Variants in ATP2B1 observed in about 807,000 individuals in gnomAD.
The protein encoded by ATP2B1 is ATPase plasma membrane Ca2+ transporting 1.
A neutral mutation model predicts 124.2 loss-of-function variants in ATP2B1; 14 were observed. That is an observed-to-expected ratio of 0.11 (90% CI 0.07 to 0.18). The LOEUF (loss-of-function observed/expected upper bound fraction) is 0.18, where lower values mean the gene tolerates loss of function less well. Ranked by LOEUF, ATP2B1 falls within the 10% of genes least tolerant of loss-of-function variation. ATP2B1 has a pLI of 1.00. For synonymous variants in ATP2B1, 449 were observed against 492.4 expected (o/e 0.91, Z 1.17); for missense variants, 763 against 1,466.1 (o/e 0.52, Z 7.83).
chr12:89,615,499 A>C (rs1878801259), intron 12 of ATP2B1, among the ~76,000 whole-genome samples: 5 of 152,130 alleles, frequency 3.3e-5, no homozygotes. Context: ...TATAAATCTC[A>C]AGCCTATTCT....
chr12:89,644,234 G>C (rs1248599395), intron 2 of ATP2B1, among the ~76,000 whole-genome samples: 1 of 152,014 alleles, frequency 6.6e-6, no homozygotes, highest in African/African-American at 2.4e-5. Flanking sequence ...TTGTTTTTTT[G>C]GCAAGAGCCT....
At chr12:89,644,140 G>T (rs1031122512) in intron 2 of ATP2B1, among the ~76,000 whole-genome samples, 2 of 151,934 alleles carry the variant, frequency 1.3e-5, no homozygotes, top group African/African-American at 2.4e-5. Flanking sequence ...AAGAAAGAAA[G>T]AAAGAAAAAG....
chr12:89,590,288 G>T lies in ATP2B1; in HGVS notation c.*696C>A, dbSNP rs1235459363. On this transcript the variant is annotated 3_prime_UTR_variant, in exon 21 of 21. Coordinates refer to ENST00000428670, the MANE Select transcript of ATP2B1 (RefSeq NM_001366521.1). ...TGCTCATGTTTTTTTGTTTTGTTTTGTTTTTTTCGTTTTTTTAAACAAAGC... is the reference window on the plus strand; with the variant it reads ...TGCTCATGTTTTTTTGTTTTGTTTTTTTTTTTTCGTTTTTTTAAACAAAGC... 3 of 151,372 alleles carry T rather than the reference G, an allele frequency of 2.0e-5. No individual in the cohort carries two copies. Among genetic ancestry groups the T allele is most frequent in the East Asian group, 1.9e-4 (1 of 5,152 alleles). 9.4% of individuals were successfully genotyped at this position (151,372 alleles called of 1,614,324 possible).
chr12:89,606,088 G>A (rs1048264768), intron 15 of ATP2B1, among the ~76,000 whole-genome samples: 1 of 28,218 alleles, frequency 3.5e-5, no homozygotes, highest in African/African-American at 1.0e-4. Context: ...GGTTGAAACA[G>A]CATTTACAGT....
chr12:89,698,028 G>A (rs920353113), intron 1 of ATP2B1, among the ~76,000 whole-genome samples: 10 of 151,936 alleles, frequency 6.6e-5, no homozygotes, highest in African/African-American at 1.2e-4. Flanking sequence ...ATGCCACTAC[G>A]CCCGGCTAAT....
intron 15 of ATP2B1, among the ~76,000 whole-genome samples, chr12:89,608,714 G>T (rs1428197301): frequency 6.6e-6 from 1 of 152,026 alleles, no homozygotes; most frequent in Non-Finnish European, 1.5e-5. Context: ...TGCCTTTCTG[G>T]TCAGCTGTCA....
chr12:89,630,780 A>AATATATATATAAAT (rs1318418419), intron 5 of ATP2B1, 135 bp from the exon 6 acceptor site: 80 of 246,116 alleles, frequency 3.3e-4, no homozygotes, highest in Middle Eastern at 2.7e-3. Flanking sequence ...TAAATATATA[A>AATATATATATAAAT]ATATATATAT....
intron 1 of ATP2B1, among the ~76,000 whole-genome samples, chr12:89,696,877 T>A (rs543551977): frequency 6.6e-6 from 1 of 152,280 alleles, no homozygotes; most frequent in East Asian, 1.9e-4. Context: ...AGAAGGCAGC[T>A]ACACAGGTGT....
chr12:89,669,251 T>C (rs1196446427), intron 1 of ATP2B1, among the ~76,000 whole-genome samples: 1 of 152,188 alleles, frequency 6.6e-6, no homozygotes, highest in Non-Finnish European at 1.5e-5. Context: ...CCAGCAACAG[T>C]ACCTTGCCCA....
At chr12:89,658,669 C>T (rs1351895096) in intron 1 of ATP2B1, among the ~76,000 whole-genome samples, 1 of 127,626 alleles carries the variant, frequency 7.8e-6, no homozygotes, top group African/African-American at 3.0e-5. Context: ...ATGTGGCTGT[C>T]AATCCTGGAC....
intron 15 of ATP2B1, among the ~76,000 whole-genome samples, chr12:89,608,533 A>G (rs1202292431): frequency 6.6e-6 from 1 of 151,884 alleles, no homozygotes; most frequent in Non-Finnish European, 1.5e-5. Flanking sequence ...AAAAAGTGGT[A>G]TAACTGGGCC....
chr12:89,615,825 T>C (rs768093837), intron 12 of ATP2B1, among the ~76,000 whole-genome samples: 9 of 152,234 alleles, frequency 5.9e-5, no homozygotes, highest in Admixed American at 2.0e-4. Flanking sequence ...GTCTATGCTC[T>C]ATACATTCTC....
chr12:89,702,088 G>A (rs1891921764), intron 1 of ATP2B1, among the ~76,000 whole-genome samples: 1 of 152,122 alleles, frequency 6.6e-6, no homozygotes, highest in African/African-American at 2.4e-5. Context: ...TCCACTAAAG[G>A]GAGTTTTGTG....
chr12:89,608,337 T>A (rs1877357224), intron 15 of ATP2B1, among the ~76,000 whole-genome samples: 1 of 151,954 alleles, frequency 6.6e-6, no homozygotes, highest in African/African-American at 2.4e-5. Context: ...CCAGCTAATT[T>A]TTGTATGTTT....
chr12:89,614,855 C>G (rs1356391900), intron 12 of ATP2B1, among the ~76,000 whole-genome samples: 1 of 152,102 alleles, frequency 6.6e-6, no homozygotes, highest in Non-Finnish European at 1.5e-5. Flanking sequence ...TCTCCTATGC[C>G]ACAACTGTGG....
At position 89,637,414 on chromosome 12, in the gene ATP2B1, T is replaced by A. The variant is rs900853289; in HGVS notation, c.407-2163A>T. Among the ~76,000 whole-genome samples the A allele has an allele frequency of 4.2e-4, 9 of 21,566 alleles. No homozygotes were observed. In the South Asian group the frequency reaches 0.02, roughly 48 times the overall value. The allele number at this position is 21,566 out of a possible 152,430, so 14.1% of individuals were successfully genotyped here. ...CAAGAAGAAAGCAAACATTAAATTT[T>A]AATTTTTTCTTTTTTGAGACAGAGT... On this transcript the variant is annotated intron_variant, in intron 3 of 20. Transcript: ENST00000428670.
At chr12:89,697,633 A>G (rs1462644481) in intron 1 of ATP2B1, among the ~76,000 whole-genome samples, 1 of 150,810 alleles carries the variant, frequency 6.6e-6, no homozygotes, top group East Asian at 1.9e-4. Context: ...AAACTTATAC[A>G]TGCATAAAGT....
chr12:89,703,857 G>C (rs1461110134), intron 1 of ATP2B1, among the ~76,000 whole-genome samples: 1 of 152,110 alleles, frequency 6.6e-6, no homozygotes, highest in Non-Finnish European at 1.5e-5. Flanking sequence ...AGTTATAAAT[G>C]CAATGTCAAT....
rs1471526551 is a variant in ATP2B1, at chr12:89,624,409, G to A, written c.1130-12C>T. 4.4e-6 allele frequency: 7 copies of A among 1,589,976 alleles called. No homozygotes were observed. The South Asian group carries it at 5.6e-5, about 13-fold the overall frequency. On this transcript the variant is annotated splice_polypyrimidine_tract_variant and intron_variant, in intron 8 of 20. Transcript: ENST00000428670. ...AGACATCAACAGACCTTTCAGAATA[G>A]AAATGAAAGAAAAATGTGATTATTA...
Sources: gnomAD v4.1 joint callset for allele counts (sites outside exome capture counted in the v4.1 genomes callset) on GRCh38, gnomAD v4.1.1 for gene constraint, MANE v1.5 for transcripts, NCBI Gene and HGNC (gene_info 2026-07-23, HGNC 2026-07-21) for gene names.